ECE2: variants seen among roughly 807,000 people sequenced by gnomAD.
ECE2 encodes the protein endothelin converting enzyme 2.
A neutral mutation model predicts 100.6 loss-of-function variants in ECE2; 81 were observed. That is an observed-to-expected ratio of 0.81 (90% CI 0.67 to 0.97). The LOEUF (loss-of-function observed/expected upper bound fraction) is 0.97. ECE2 is among the 50% of genes least tolerant of loss of function. The pLI is 0.00. For synonymous variants in ECE2, 391 were observed against 391.5 expected, an observed-to-expected ratio of 1.00 and a Z score of 0.02; for missense variants, 911 against 988.1, an observed-to-expected ratio of 0.92 and a Z score of 1.05.
intron 18 of ECE2, 41 bp from the exon 19 acceptor site, chr3:184,292,021 C>T (rs757376238): frequency 1.3e-6 from 2 of 1,578,404 alleles, no homozygotes; most frequent in African/African-American, 1.3e-5. Flanking sequence ...CCCGGCTCCA[C>T]ACTAGACACC....
chr3:184,290,157 C>A, intron 13 of ECE2, 98 bp from the exon 14 acceptor site: 1 of 926,560 alleles, frequency 1.1e-6, no homozygotes, highest in Non-Finnish European at 1.7e-6. Context: ...GTTGAGGAAA[C>A]TGAGGTTTGG....
At position 184,284,991 on chromosome 3, in the gene ECE2, A is replaced by G; in HGVS notation, c.1034A>G (p.Glu345Gly). The change falls in exon 9 of 19, where the codon GAG (glutamate) becomes GGG (glycine). Residue 345 changes from glutamate to glycine, a missense_variant. Glu to Gly is a moderately conservative substitution (Grantham distance 98, BLOSUM62 -2). Transcript: ENST00000404464. ...CTGGCGCCCTCCATGGACTGGCTTG[A>G]GTTCCTGTCTTTCTTGCTGTCACCA... ...QALAPSMDWL[E>G]FLSFLLSPLE... The G allele has an allele frequency of 6.2e-7, 1 of 1,614,064 alleles. No homozygotes were observed. Among genetic ancestry groups the G allele is most frequent in the Non-Finnish European group, 8.5e-7 (1 of 1,179,996 alleles).
chr3:184,290,146 A>T, intron 13 of ECE2, 109 bp from the exon 14 acceptor site: 2 of 822,764 alleles, frequency 2.4e-6, no homozygotes, highest in South Asian at 1.7e-5. Context: ...GATATTTTAC[A>T]GTTGAGGAAA....
intron 11 of ECE2, among the ~76,000 whole-genome samples, chr3:184,288,309 C>CAA (rs10608428): frequency 1.0e-3 from 91 of 91,404 alleles, no homozygotes; most frequent in African/African-American, 2.0e-3. Context: ...AACTCTGTCT[C>CAA]AAAAAAAAAA....
rs747169629 is a variant in ECE2 at position 184,278,281 on chromosome 3, G to C, written c.718G>C (p.Asp240His). The change falls in exon 6 of 19, where the codon GAC becomes CAC. Residue 240 changes from aspartate (D) to histidine (H), a missense_variant. Coordinates refer to ENST00000404464, the MANE Select transcript of ECE2 (RefSeq NM_001100121.2). ...TPFFTVYISADSKSSNSNVIQ... is the reference protein window; with the variant it reads ...TPFFTVYISAHSKSSNSNVIQ... ...ATTCTTCACCGTCTACATCAGTGCC[G>C]ACTCTAAGAGTTCCAACAGCAATGT... The C allele has an allele frequency of 6.2e-7, 1 of 1,613,968 alleles. No homozygotes were observed. The highest frequency in any genetic ancestry group is 1.3e-5 in the African/African-American group (1 of 74,914).
Position 184,291,270 on chromosome 3 carries a change from T to C in ECE2, c.2025+40T>C. On this transcript the variant is annotated intron_variant, in intron 17 of 18. Transcript: ENST00000404464. This position sits in a 1 kb window ranked among gnomAD's most constrained non-coding sequence, Gnocchi z 4.1. ...CAGCCCTCCAGCGGCTGAGGCCTGC[T>C]GGCCTGGGGTGAAAGGTGCCGGGTG... 1.3e-6 allele frequency: 2 copies of C among 1,595,934 alleles called. No homozygotes were observed. The highest frequency in any genetic ancestry group is 1.7e-6 in the Non-Finnish European group (2 of 1,169,448).
At chr3:184,285,446 G>T (rs1194721721) in intron 9 of ECE2, 32 bp from the exon 10 acceptor site, 1 of 1,535,384 alleles carries the variant, frequency 6.5e-7, no homozygotes. Flanking sequence ...CATCCCACCT[G>T]CCCTTTTCTT....
At chr3:184,276,869 C>G in intron 2 of ECE2, 23 bp from the exon 3 acceptor site, 1 of 1,612,906 alleles carries the variant, frequency 6.2e-7, no homozygotes, top group South Asian at 1.1e-5. Context: ...CTCAGTCACT[C>G]TCTGTCCCCC....
chr3:184,285,597 G>T lies in ECE2; in HGVS notation c.1263+5G>T. 6.2e-7 allele frequency: 1 copy of T among 1,608,214 alleles called. No homozygotes were observed. The highest frequency in any genetic ancestry group is 1.3e-5 in the African/African-American group (1 of 74,924). On this transcript the variant is annotated splice_donor_5th_base_variant and intron_variant, in intron 10 of 18. Transcript: ENST00000404464. Reference sequence around the variant, plus strand: ...ACCCTCTATGGCACTAAGAAGGTGGGCTTTCTGATTTTGCCTCCACGTTCT... The same window carrying T: ...ACCCTCTATGGCACTAAGAAGGTGGTCTTTCTGATTTTGCCTCCACGTTCT...
In ECE2 at chr3:184,276,539, A is replaced by G; in HGVS notation, c.98A>G (p.Glu33Gly). The stretch of plus-strand genomic sequence containing the variant: ...GAAGACGCACCCGAGACCCCCGTAG[A>G]GGGCGGGGCCTCCCCGGACGCCATG... ...RDEDAPETPV[E>G]GGASPDAMEV... The change falls in exon 2 of 19, where the codon GAG becomes GGG. Residue 33 changes from glutamate to glycine, a missense_variant. By Grantham distance (98) the Glu-to-Gly change is moderately conservative. Transcript: ENST00000404464. 6.2e-7 allele frequency: 1 copy of G among 1,611,472 alleles called. No homozygotes were observed. Among genetic ancestry groups the G allele is most frequent in the Non-Finnish European group, 8.5e-7 (1 of 1,179,636 alleles).
chr3:184,285,547 G>A lies in ECE2; in HGVS notation c.1218G>A (p.Glu406=). The A allele has an allele frequency of 6.2e-7, 1 of 1,614,224 alleles. No homozygotes were observed. The highest frequency in any genetic ancestry group is 8.5e-7 in the Non-Finnish European group (1 of 1,180,046). Residue 406 remains glutamate (E), a synonymous_variant, in exon 10 of 19, where the codon GAG becomes GAA. Coordinates refer to ENST00000404464, the MANE Select transcript of ECE2 (RefSeq NM_001100121.2). ...CCTCAAGCCTGGACCGACGCTTTGA[G>A]TCTGCACAAGAGAAGCTGCTGGAGA... is the stretch of plus-strand genomic sequence containing the variant. ...KTTSSLDRRF[E]SAQEKLLETL...
Position 184,292,125 on chromosome 3 carries a change from C to T in ECE2, c.2185C>T (p.Pro729Ser). 1.2e-6 allele frequency: 2 copies of T among 1,614,072 alleles called. No individual in the cohort carries two copies. Among genetic ancestry groups the T allele is most frequent in the African/African-American group, 2.7e-5 (2 of 75,064 alleles). ...GGGGCTGGTGACCGACCCCCACAGC[C>T]CTGCCCGCTTCCGCGTGCTGGGCAC... ...HEGLVTDPHS[P>S]ARFRVLGTLS... The change falls in exon 19 of 19, where the codon CCT (proline) becomes TCT (serine). Residue 729 changes from proline to serine, a missense_variant. Coordinates refer to ENST00000404464, the MANE Select transcript of ECE2 (RefSeq NM_001100121.2).
In ECE2 at chr3:184,276,080, A is replaced by C; in HGVS notation, c.-74A>C. Reference sequence around the variant, plus strand: ...ATGGCTGGTGACGGCGGGGCCGGGCAGGGGACCGGGGCCGCGGCCCGGGAG... The same window carrying C: ...ATGGCTGGTGACGGCGGGGCCGGGCCGGGGACCGGGGCCGCGGCCCGGGAG... On this transcript the variant is annotated 5_prime_UTR_variant, in exon 1 of 19. Transcript: ENST00000404464. The C allele has an allele frequency of 4.1e-6, 5 of 1,215,178 alleles. No individual in the cohort carries two copies. The highest frequency in any genetic ancestry group is 1.6e-5 in the African/African-American group (1 of 63,278). The allele number at this position is 1,215,178 out of a possible 1,614,324, so 75.3% of individuals were successfully genotyped here.
Position 184,284,979 on chromosome 3 carries a change from T to C in ECE2, c.1022T>C (p.Met341Thr). The C allele has an allele frequency of 6.2e-7, 1 of 1,614,058 alleles. No individual in the cohort carries two copies. Among genetic ancestry groups the C allele is most frequent in the Non-Finnish European group, 8.5e-7 (1 of 1,179,980 alleles). The change falls in exon 9 of 19, where the codon ATG (methionine) becomes ACG (threonine). Residue 341 changes from methionine (M) to threonine (T), a missense_variant. By Grantham distance (81) the Met-to-Thr change is moderately conservative. Coordinates refer to ENST00000404464, the MANE Select transcript of ECE2 (RefSeq NM_001100121.2). Reference sequence around the variant, plus strand: ...TTCTTTCAGGCTCTGGCGCCCTCCATGGACTGGCTTGAGTTCCTGTCTTTC... The same window carrying C: ...TTCTTTCAGGCTCTGGCGCCCTCCACGGACTGGCTTGAGTTCCTGTCTTTC... ...ISELQALAPS[M>T]DWLEFLSFLL...
In ECE2 at chr3:184,276,842, G is replaced by C. The variant is rs1030560605; in HGVS notation, c.127-50G>C. On this transcript the variant is annotated intron_variant, in intron 2 of 18. Transcript: ENST00000404464. The stretch of plus-strand genomic sequence containing the variant: ...TGTGGCTTCACCCTCTGGTAATCTT[G>C]GATCCCTGCCCTGCATCTCAGTCAC... The C allele has an allele frequency of 1.4e-5, 22 of 1,604,848 alleles. No individual in the cohort carries two copies. The African/African-American group carries it at 2.8e-4, about 20-fold the overall frequency.
chr3:184,290,600 A>G lies in ECE2; in HGVS notation c.1699A>G (p.Thr567Ala), dbSNP rs141177932. ...PQTVNAYYLP[T>A]KNEIVFPAGI... is the part of the protein sequence containing the mutation. ...GACAGTGAATGCCTACTACCTTCCA[A>G]CTAAGAATGAGATCGTCTTCCCCGC... Residue 567 changes from threonine (T) to alanine (A), a missense_variant, in exon 15 of 19, where the codon ACT becomes GCT. Physicochemically the swap from Thr to Ala is moderately conservative, Grantham distance 58. Transcript: ENST00000404464. 7.4e-5 allele frequency: 120 copies of G among 1,613,996 alleles called. No homozygotes were observed. The highest frequency in any genetic ancestry group is 9.6e-5 in the Non-Finnish European group (113 of 1,180,018).
intron 2 of ECE2, 116 bp from the exon 3 acceptor site, chr3:184,276,775 GC>G: frequency 1.9e-6 from 3 of 1,560,954 alleles, no homozygotes; most frequent in Non-Finnish European, 1.7e-6. Context: ...TGGCCTCATT[GC>G]CCCCGGGCCC....
At chr3:184,290,483 T>G (rs1577147436) in intron 14 of ECE2, 74 bp from the exon 15 acceptor site, 1 of 1,564,602 alleles carries the variant, frequency 6.4e-7, no homozygotes, top group South Asian at 1.1e-5. Context: ...TTGCAGGAGG[T>G]AGGGCAGGGC....
chr3:184,289,953 T>C lies in ECE2; in HGVS notation c.1551+235T>C, dbSNP rs1010153058. Among the ~76,000 whole-genome samples, 1 of 152,174 alleles carries C rather than the reference T, an allele frequency of 6.6e-6. No homozygotes were observed. The highest frequency in any genetic ancestry group is 2.4e-5 in the African/African-American group (1 of 41,438). ...TGGAGTCAAGCCTAATCAAATTCTG[T>C]TTCTACCTCTAACTTTGTAACCTTA... On this transcript the variant is annotated intron_variant, in intron 13 of 18. Coordinates refer to ENST00000404464, the MANE Select transcript of ECE2 (RefSeq NM_001100121.2). The surrounding 1 kb of genome is among the most constrained non-coding windows in gnomAD (Gnocchi z 4.1).
Sources: gnomAD v4.1 joint callset for allele counts (sites outside exome capture counted in the v4.1 genomes callset) on GRCh38, gnomAD v4.1.1 for gene constraint, Gnocchi (gnomAD v3.1) non-coding constraint, MANE v1.5 for transcripts, NCBI Gene and HGNC (gene_info 2026-07-23, HGNC 2026-07-21) for gene names.